Variants in RPL39 observed in about 807,000 individuals in gnomAD.
RPL39 encodes the protein large ribosomal subunit protein eL39.
For missense variants in RPL39, 6 were observed against 37.2 expected, an observed-to-expected ratio of 0.16 and a Z score of 2.18; for synonymous variants, 8 against 11.4, an observed-to-expected ratio of 0.70 and a Z score of 0.60.
At chrX:119,789,152 C>G (rs2055685031) in intron 2 of RPL39, among the ~76,000 whole-genome samples, 2 of 111,113 alleles carry the variant, frequency 1.8e-5, no homozygotes, top group African/African-American at 6.5e-5. Context: ...GTAGTCCCAG[C>G]TACTCAGAGA....
At chrX:119,789,432 C>T (rs747297939) in intron 2 of RPL39, among the ~76,000 whole-genome samples, 2 of 112,377 alleles carry the variant, frequency 1.8e-5, no homozygotes, top group Non-Finnish European at 3.8e-5. Flanking sequence ...TGACGCACGC[C>T]TGTAGTCCCA....
chrX:119,789,867 T>C, intron 2 of RPL39, 41 bp downstream of exon 2: 1 of 790,875 alleles, frequency 1.3e-6, no homozygotes, highest in Non-Finnish European at 1.9e-6. Flanking sequence ...ACAGTGGCTC[T>C]TACATTTAGC....
At chrX:119,787,147 T>C in intron 2 of RPL39, 1 of 245,045 alleles carries the variant, frequency 4.1e-6, no homozygotes, top group Middle Eastern at 1.7e-3. Context: ...CCCAGCTAAT[T>C]TTTGTATTTT....
rs1297876750 is a variant in RPL39, at chrX:119,786,582, C to T, written c.*102G>A. 20 of 617,606 alleles carry T rather than the reference C, an allele frequency of 3.2e-5. No individual in the cohort carries two copies. Among genetic ancestry groups the T allele is most frequent in the African/African-American group, 4.5e-5 (2 of 44,647 alleles). 50.9% of individuals were successfully genotyped at this position (617,606 alleles called of 1,213,427 possible). On this transcript the variant is annotated 3_prime_UTR_variant, in exon 3 of 3. Transcript: ENST00000361575. The stretch of plus-strand genomic sequence containing the variant: ...CATAACAGATTCAGAGAGGAAAACA[C>T]GTCGAAATCTCCAGATAGTGGTGAC...
chrX:119,791,610 G>A lies in RPL39; in HGVS notation c.-34C>T. ...GCGGAGTCAAGAACACACCACGATGGCGGAGAAAGGAAGAGGAGGGAAGCT... is the reference window on the plus strand; with the variant it reads ...GCGGAGTCAAGAACACACCACGATGACGGAGAAAGGAAGAGGAGGGAAGCT... On this transcript the variant is annotated 5_prime_UTR_variant, in exon 1 of 3. Transcript: ENST00000361575. 3 of 1,162,128 alleles carry A rather than the reference G, an allele frequency of 2.6e-6. No individual in the cohort carries two copies. Among genetic ancestry groups the A allele is most frequent in the African/African-American group, 1.8e-5 (1 of 55,990 alleles).
At chrX:119,790,083 C>T in intron 1 of RPL39, 72 bp from the exon 2 acceptor site, 3 of 626,509 alleles carry the variant, frequency 4.8e-6, no homozygotes, top group South Asian at 2.4e-5. Flanking sequence ...AGAACTCCTT[C>T]AAACCAACAT....
chrX:119,789,521 C>T (rs369498371), intron 2 of RPL39, among the ~76,000 whole-genome samples: 3 of 112,042 alleles, frequency 2.7e-5, no homozygotes, highest in East Asian at 5.6e-4. Flanking sequence ...TGTGCCACTG[C>T]ACTCCAGCCC....
chrX:119,788,350 G>A (rs1380713674), intron 2 of RPL39, among the ~76,000 whole-genome samples: 4 of 110,692 alleles, frequency 3.6e-5, no homozygotes, highest in Non-Finnish European at 7.6e-5. Context: ...TGGCCAAGAT[G>A]GTGAAACCCC....
At chrX:119,790,663 G>C (rs2055694980) in intron 1 of RPL39, 1 of 111,388 alleles carries the variant, frequency 9.0e-6, no homozygotes, top group Non-Finnish European at 1.9e-5. Context: ...CTTTTCCAAG[G>C]ATGACTGTCT....
intron 1 of RPL39, chrX:119,790,458 T>C (rs766921486): frequency 2.6e-4 from 31 of 117,145 alleles, no homozygotes; most frequent in Non-Finnish European, 5.0e-4. Context: ...CGAATCTCAG[T>C]GCTCTACTTT....
At chrX:119,790,600 A>C (rs2055694659) in intron 1 of RPL39, 1 of 112,361 alleles carries the variant, frequency 8.9e-6, no homozygotes, top group African/African-American at 3.2e-5. Flanking sequence ...CTACTGCTAA[A>C]TTTCACTGGC....
intron 2 of RPL39, 58 bp from the exon 3 acceptor site, chrX:119,786,790 C>A: frequency 1.1e-6 from 1 of 949,316 alleles, no homozygotes; most frequent in Non-Finnish European, 1.5e-6. Flanking sequence ...TAGCTGTTCC[C>A]ATTCACATAA....
chrX:119,789,898 G>C lies in RPL39; in HGVS notation c.107+10C>G. On this transcript the variant is annotated intron_variant, in intron 2 of 2. Coordinates refer to ENST00000361575, the MANE Select transcript of RPL39 (RefSeq NM_001000.4). Reference sequence around the variant, plus strand: ...TTAGCAAAATACAAGCAGTATGATGGAGGTCTTACCTGATTTTATTTCCAG... The same window carrying C: ...TTAGCAAAATACAAGCAGTATGATGCAGGTCTTACCTGATTTTATTTCCAG... The C allele has an allele frequency of 9.6e-7, 1 of 1,042,568 alleles. No individual in the cohort carries two copies. Among genetic ancestry groups the C allele is most frequent in the Non-Finnish European group, 1.3e-6 (1 of 741,958 alleles). The allele number at this position is 1,042,568 out of a possible 1,213,427, so 85.9% of individuals were successfully genotyped here. A position where few individuals can be genotyped will look rare whatever the true frequency, so the allele number is the denominator to read the frequency against.
chrX:119,787,789 C>A (rs1249015456), intron 2 of RPL39, among the ~76,000 whole-genome samples: 1 of 110,962 alleles, frequency 9.0e-6, no homozygotes, highest in African/African-American at 3.3e-5. Context: ...ATAGTTAGGA[C>A]TACAAGCACG....
At chrX:119,787,610 G>GT (rs1962721363) in intron 2 of RPL39, 1 of 261,022 alleles carries the variant, frequency 3.8e-6, no homozygotes, top group Non-Finnish European at 7.2e-6. Flanking sequence ...AGACCACAGA[G>GT]TTTAATAGCA....
At chrX:119,789,879 A>G in intron 2 of RPL39, 29 bp downstream of exon 2, 1 of 877,947 alleles carries the variant, frequency 1.1e-6, no homozygotes, top group Non-Finnish European at 1.7e-6. Flanking sequence ...ACATTTAGCA[A>G]AATACAAGCA....
At chrX:119,787,111 C>T (rs1378877524) in intron 2 of RPL39, among the ~76,000 whole-genome samples, 1 of 110,865 alleles carries the variant, frequency 9.0e-6, no homozygotes, top group Non-Finnish European at 1.9e-5. Context: ...TTTTTTGAGA[C>T]AGAGTCGCCC....
chrX:119,790,355 C>T (rs937902083), intron 1 of RPL39: 1 of 141,383 alleles, frequency 7.1e-6, no homozygotes, highest in Non-Finnish European at 1.4e-5. Flanking sequence ...AGGACTCAGA[C>T]GACCACACTG....
chrX:119,786,689 G>A lies in RPL39; in HGVS notation c.151C>T (p.Leu51=), dbSNP rs61733485. 9.8e-3 allele frequency: 11,745 copies of A among 1,195,616 alleles called. 427 individuals carry two copies. The African/African-American group carries it at 0.13, about 13-fold the overall frequency. ...GCCATCTCATGTGCAATTCCTTATA[G>A]ACCCAGCTTGGTTCTTCTCCAATGT... ...RRHWRRTKLG[L] The change falls in exon 3 of 3, where the codon CTA becomes TTA. Residue 51 remains leucine, a synonymous_variant. Transcript: ENST00000361575.
Sources: allele counts gnomAD v4.1 joint callset (sites outside exome capture counted in the v4.1 genomes callset), GRCh38; gene constraint gnomAD v4.1.1; transcripts MANE v1.5; gene names NCBI Gene and HGNC (gene_info 2026-07-23, HGNC 2026-07-21).